IRF2: variants seen among roughly 807,000 people sequenced by gnomAD.
IRF2 encodes the protein interferon regulatory factor 2.
IRF2 carries 15 observed loss-of-function variants against 40.6 expected under a neutral mutation model. The observed-to-expected ratio is 0.37, with a 90% CI of 0.25 to 0.57. IRF2 has a LOEUF of 0.57. Ranked by LOEUF, IRF2 falls within the 20% of genes least tolerant of loss-of-function variation. The probability of loss-of-function intolerance (pLI) is 0.77; values close to 1 mark genes in which losing one functional copy is unlikely to be tolerated. For synonymous variants in IRF2, 151 were observed against 165.5 expected, an observed-to-expected ratio of 0.91 and a Z score of 0.67; for missense variants, 317 against 455.7, an observed-to-expected ratio of 0.70 and a Z score of 2.77.
Position 184,408,294 on chromosome 4 carries a change from A to G in IRF2, c.412-19T>C. The G allele has an allele frequency of 6.9e-7, 1 of 1,454,074 alleles. No homozygotes were observed. The highest frequency in any genetic ancestry group is 9.7e-7 in the Non-Finnish European group (1 of 1,036,200). The allele number at this position is 1,454,074 out of a possible 1,614,324, so 90.1% of individuals were successfully genotyped here. On this transcript the variant is annotated intron_variant, in intron 5 of 8. Transcript: ENST00000393593. This position sits in a 1 kb window ranked among gnomAD's most constrained non-coding sequence, Gnocchi z 4.9. ...GTTCTTGCTAGGAAGAAGAAAAGAA[A>G]AAAGAATTGAGAACACTTCCTTTCC... is the stretch of plus-strand genomic sequence containing the variant.
At chr4:184,414,444 C>A (rs1378272068) in intron 5 of IRF2, among the ~76,000 whole-genome samples, 1 of 152,210 alleles carries the variant, frequency 6.6e-6, no homozygotes, top group Non-Finnish European at 1.5e-5. Context: ...TGGGCTCAAG[C>A]CATCCTCCTA....
At chr4:184,396,386 C>T (rs6847907) in intron 7 of IRF2, among the ~76,000 whole-genome samples, 5,667 of 151,842 alleles carry the variant, frequency 0.037, 222 homozygotes, top group African/African-American at 0.084. Context: ...CCCTCAGACA[C>T]GCTGCTCTAC....
intron 1 of IRF2, among the ~76,000 whole-genome samples, chr4:184,444,560 T>C (rs1215805407): frequency 6.6e-6 from 1 of 152,218 alleles, no homozygotes; most frequent in Non-Finnish European, 1.5e-5. Flanking sequence ...GACACAAATT[T>C]ATGGTCAACA....
chr4:184,419,820 GTGA>G (rs1737418028), intron 2 of IRF2, among the ~76,000 whole-genome samples: 2 of 152,198 alleles, frequency 1.3e-5, no homozygotes, highest in Admixed American at 1.3e-4. Context: ...AAGGTCAAAG[GTGA>G]TGATTTGACC....
At chr4:184,429,184 A>G (rs1032500443) in intron 1 of IRF2, 114 bp from the exon 2 acceptor site, 3 of 640,530 alleles carry the variant, frequency 4.7e-6, no homozygotes, top group African/African-American at 1.8e-5. Context: ...GGGGCTGGGG[A>G]CCAGGGGGCT....
intron 5 of IRF2, among the ~76,000 whole-genome samples, chr4:184,415,258 C>T (rs1370561183): frequency 6.6e-6 from 1 of 152,188 alleles, no homozygotes; most frequent in Admixed American, 6.5e-5. Flanking sequence ...CAGGTCCTTT[C>T]AAGAAAAAAG....
chr4:184,405,378 C>T (rs1736818282), intron 6 of IRF2, among the ~76,000 whole-genome samples: 1 of 152,168 alleles, frequency 6.6e-6, no homozygotes, highest in South Asian at 2.1e-4. Flanking sequence ...ACGTGTCCAC[C>T]CCTCACTGTG....
At chr4:184,460,836 A>T (rs919800309) in intron 1 of IRF2, among the ~76,000 whole-genome samples, 3 of 152,242 alleles carry the variant, frequency 2.0e-5, no homozygotes, top group African/African-American at 7.2e-5. Flanking sequence ...AGTAGGACCT[A>T]CGTAGAAAAA....
intron 1 of IRF2, among the ~76,000 whole-genome samples, chr4:184,450,377 A>C (rs777393018): frequency 6.6e-6 from 1 of 152,238 alleles, no homozygotes; most frequent in Non-Finnish European, 1.5e-5. Flanking sequence ...ATCACGCTAC[A>C]CGAAAAATCA....
intron 1 of IRF2, chr4:184,472,408 C>CTTGA (rs900075625): frequency 2.6e-5 from 4 of 152,132 alleles, no homozygotes; most frequent in African/African-American, 7.2e-5. Flanking sequence ...AAAAACTGAA[C>CTTGA]TGCTCAAAGA....
In IRF2 at chr4:184,388,467, C is replaced by T. The variant is rs1736134116; in HGVS notation, c.*291G>A. 2.4e-6 allele frequency: 1 copy of T among 412,034 alleles called. No individual in the cohort carries two copies. The highest frequency in any genetic ancestry group is 6.2e-4 in the Middle Eastern group (1 of 1,602). The allele number at this position is 412,034 out of a possible 1,614,324, so 25.5% of individuals were successfully genotyped here. ...GAGGCATCCACTCCACCTTGCTGGC[C>T]TTGACCGCAGGCAATGCAGCACCTC... is the stretch of plus-strand genomic sequence containing the variant. On this transcript the variant is annotated 3_prime_UTR_variant, in exon 9 of 9. Transcript: ENST00000393593. This position sits in a 1 kb window ranked among gnomAD's most constrained non-coding sequence, Gnocchi z 4.6.
chr4:184,420,579 C>A (rs565071334), intron 2 of IRF2, among the ~76,000 whole-genome samples: 2 of 152,300 alleles, frequency 1.3e-5, no homozygotes, highest in South Asian at 4.1e-4. Flanking sequence ...TAACTCAAAA[C>A]CGCCTCAAGC....
At chr4:184,459,244 C>G (rs1450178732) in intron 1 of IRF2, among the ~76,000 whole-genome samples, 2 of 152,178 alleles carry the variant, frequency 1.3e-5, no homozygotes, top group African/African-American at 2.4e-5. Flanking sequence ...ACTGCTATTT[C>G]TCCTCTCACA....
At chr4:184,466,259 C>G (rs1355041562) in intron 1 of IRF2, among the ~76,000 whole-genome samples, 1 of 152,012 alleles carries the variant, frequency 6.6e-6, no homozygotes, top group African/African-American at 2.4e-5. Flanking sequence ...CCATGTTGGC[C>G]AGGCTGATCT....
intron 1 of IRF2, chr4:184,472,691 A>G (rs1009534530): frequency 6.6e-6 from 1 of 151,984 alleles, no homozygotes; most frequent in Non-Finnish European, 1.5e-5. Context: ...GGGGCGGGCA[A>G]TATGTCCCCA....
At chr4:184,452,148 C>A (rs190197378) in intron 1 of IRF2, among the ~76,000 whole-genome samples, 2 of 152,162 alleles carry the variant, frequency 1.3e-5, no homozygotes, top group African/African-American at 4.8e-5. Flanking sequence ...AGGCCCAAGT[C>A]CCCCCAGCAC....
At chr4:184,409,074 A>G (rs2149896813) in intron 5 of IRF2, among the ~76,000 whole-genome samples, 1 of 152,248 alleles carries the variant, frequency 6.6e-6, no homozygotes, top group Non-Finnish European at 1.5e-5. Context: ...GTGCCTGTGG[A>G]CGTTCAGCTC....
intron 2 of IRF2, 22 bp from the exon 3 acceptor site, chr4:184,419,590 AAGGT>A: frequency 7.1e-7 from 1 of 1,404,874 alleles, no homozygotes. Flanking sequence ...AAAAAAAAAA[AAGGT>A]AAAGAACTGG....
intron 6 of IRF2, among the ~76,000 whole-genome samples, chr4:184,403,392 ACAGT>A (rs1736738073): frequency 6.6e-6 from 1 of 152,194 alleles, no homozygotes; most frequent in Non-Finnish European, 1.5e-5. Flanking sequence ...GCTACAGTAA[ACAGT>A]CAGAAGTGGC....
Sources: gnomAD v4.1 joint callset for allele counts (sites outside exome capture counted in the v4.1 genomes callset) on GRCh38, gnomAD v4.1.1 for gene constraint, Gnocchi (gnomAD v3.1) non-coding constraint, MANE v1.5 for transcripts, NCBI Gene and HGNC (gene_info 2026-07-23, HGNC 2026-07-21) for gene names.